Variants in ANO2 observed in about 807,000 individuals in gnomAD.
ANO2 encodes the protein anoctamin 2, also known as anoctamin-2.
ANO2 carries 101 observed loss-of-function variants against 124.2 expected under a neutral mutation model. That is an observed-to-expected ratio of 0.81 (90% CI 0.69 to 0.96). The LOEUF (loss-of-function observed/expected upper bound fraction) is 0.96. Ranked by LOEUF, ANO2 falls within the 40% of genes least tolerant of loss-of-function variation. The pLI is 0.00. For synonymous variants in ANO2, 486 were observed against 482.5 expected (o/e 1.01, Z -0.09); for missense variants, 1,293 against 1,274.5 (o/e 1.01, Z -0.22).
At position 5,563,220 on chromosome 12, in the gene ANO2, C is replaced by T. The variant is rs999874693; in HGVS notation, c.*79G>A. The T allele has an allele frequency of 4.7e-6, 7 of 1,497,634 alleles. No individual in the cohort carries two copies. The highest frequency in any genetic ancestry group is 2.5e-5 in the East Asian group (1 of 40,548). 92.8% of individuals were successfully genotyped at this position (1,497,634 alleles called of 1,614,324 possible). On this transcript the variant is annotated 3_prime_UTR_variant, in exon 25 of 25. Coordinates refer to ENST00000682330, the MANE Select transcript of ANO2 (RefSeq NM_001364791.2). ...CAGGCCCCTGCAGACAGACAGCACGCCATGTGGGTGTAGGAACATGCTTAC... is the reference window on the plus strand; with the variant it reads ...CAGGCCCCTGCAGACAGACAGCACGTCATGTGGGTGTAGGAACATGCTTAC...
At chr12:5,818,162 G>C (rs1953667865) in intron 7 of ANO2, among the ~76,000 whole-genome samples, 1 of 15,214 alleles carries the variant, frequency 6.6e-5, no homozygotes, top group Non-Finnish European at 2.0e-4. Flanking sequence ...GTGTCTGTGA[G>C]GGTGTTGCCA....
chr12:5,759,541 T>C (rs559638854), intron 10 of ANO2, among the ~76,000 whole-genome samples: 43 of 151,050 alleles, frequency 2.8e-4, no homozygotes, highest in Non-Finnish European at 4.7e-4. Context: ...CTCTGCTTCC[T>C]ATCAGATCAG....
At chr12:5,596,725 C>T (rs555946008) in intron 20 of ANO2, among the ~76,000 whole-genome samples, 1 of 152,020 alleles carries the variant, frequency 6.6e-6, no homozygotes, top group Non-Finnish European at 1.5e-5. Flanking sequence ...AGTGGCATGG[C>T]CCTGACAAAG....
chr12:5,725,097 TCA>T (rs35973206), intron 14 of ANO2, among the ~76,000 whole-genome samples: 3,781 of 143,544 alleles, frequency 0.026, 88 homozygotes, highest in African/African-American at 0.069. Context: ...TGTCTCCCTC[TCA>T]CACACACACA....
chr12:5,936,095 T>C (rs933407), intron 1 of ANO2, among the ~76,000 whole-genome samples: 57,239 of 152,144 alleles, frequency 0.38, 12,140 homozygotes, highest in East Asian at 0.79. Flanking sequence ...TTCATCTTTT[T>C]ATTGTTGAGT....
chr12:5,936,144 G>T (rs975199485), intron 1 of ANO2, among the ~76,000 whole-genome samples: 3 of 152,124 alleles, frequency 2.0e-5, no homozygotes, highest in South Asian at 2.1e-4. Flanking sequence ...TAAGTCCTTT[G>T]TCTGATATAT....
intron 14 of ANO2, among the ~76,000 whole-genome samples, chr12:5,722,220 G>A (rs1269881239): frequency 2.6e-5 from 4 of 152,112 alleles, no homozygotes; most frequent in Non-Finnish European, 5.9e-5. Flanking sequence ...AAAAAACAAA[G>A]TACTGGCCGG....
intron 14 of ANO2, among the ~76,000 whole-genome samples, chr12:5,714,954 G>C (rs546539165): frequency 1.1e-4 from 17 of 152,280 alleles, no homozygotes; most frequent in Middle Eastern, 3.4e-3. Context: ...TAGGTTCTGT[G>C]GGGAGATAAA....
At chr12:5,765,533 G>A (rs1951865246) in intron 10 of ANO2, among the ~76,000 whole-genome samples, 1 of 152,180 alleles carries the variant, frequency 6.6e-6, no homozygotes, top group Non-Finnish European at 1.5e-5. Context: ...CACAAGCTCT[G>A]GTGTGGGAAA....
Position 5,739,389 on chromosome 12 carries a change from G to C in ANO2, c.1362C>G (p.Phe454Leu). Residue 454 changes from phenylalanine to leucine, a missense_variant, in exon 13 of 25, where the codon TTC becomes TTG. Coordinates refer to ENST00000682330, the MANE Select transcript of ANO2 (RefSeq NM_001364791.2). The stretch of plus-strand genomic sequence containing the variant: ...TCTGTAGCCTCTTCCAGTTTTCCAG[G>C]AACATGGTAGCTTAAAAAGAACAAC... ...SIFMALWATM[F>L]LENWKRLQMR... is the part of the protein sequence containing the mutation. The C allele has an allele frequency of 6.2e-7, 1 of 1,601,650 alleles. No homozygotes were observed. Among genetic ancestry groups the C allele is most frequent in the Non-Finnish European group, 8.5e-7 (1 of 1,174,008 alleles).
intron 14 of ANO2, among the ~76,000 whole-genome samples, chr12:5,670,193 A>C (rs1237570758): frequency 6.6e-6 from 1 of 152,234 alleles, no homozygotes; most frequent in African/African-American, 2.4e-5. Context: ...AGGTCATCTC[A>C]TCCATAAGGC....
chr12:5,590,817 G>A (rs1943359044), intron 20 of ANO2, among the ~76,000 whole-genome samples: 1 of 152,124 alleles, frequency 6.6e-6, no homozygotes, highest in African/African-American at 2.4e-5. Flanking sequence ...TGCCCATATG[G>A]GGGCCAATGG....
intron 7 of ANO2, 99 bp downstream of exon 7, chr12:5,827,667 CTTG>C (rs1954008530): frequency 7.3e-7 from 1 of 1,372,156 alleles, no homozygotes; most frequent in African/African-American, 1.4e-5. Context: ...GGGGCATTTG[CTTG>C]TTTTGTTCTT....
intron 22 of ANO2, among the ~76,000 whole-genome samples, chr12:5,577,462 C>G (rs1244645263): frequency 6.6e-6 from 1 of 152,234 alleles, no homozygotes; most frequent in East Asian, 1.9e-4. Flanking sequence ...AAGGAGGTCA[C>G]CACAGGTGGG....
chr12:5,588,024 T>C (rs1430740787), intron 20 of ANO2, among the ~76,000 whole-genome samples: 3 of 152,250 alleles, frequency 2.0e-5, no homozygotes, highest in African/African-American at 7.2e-5. Flanking sequence ...CCTGTCTGCA[T>C]GGGTGGTCCT....
Position 5,612,884 on chromosome 12 carries a change from C to T in ANO2, c.1986+17G>A, listed in dbSNP as rs993961810. 6.2e-7 allele frequency: 1 copy of T among 1,613,856 alleles called. No individual in the cohort carries two copies. The highest frequency in any genetic ancestry group is 1.3e-5 in the African/African-American group (1 of 75,036). ...GGGTTGGGGTGCCAGGCATGAAACACCAGTGGCTGTACTTGCCTCTTCCAT... is the reference window on the plus strand; with the variant it reads ...GGGTTGGGGTGCCAGGCATGAAACATCAGTGGCTGTACTTGCCTCTTCCAT... On this transcript the variant is annotated intron_variant, in intron 18 of 24. Transcript: ENST00000682330.
At chr12:5,755,098 G>A (rs1250251533) in intron 10 of ANO2, among the ~76,000 whole-genome samples, 3 of 151,726 alleles carry the variant, frequency 2.0e-5, no homozygotes, top group Admixed American at 1.3e-4. Flanking sequence ...TTAATATGTT[G>A]TGCTTTCATT....
intron 14 of ANO2, among the ~76,000 whole-genome samples, chr12:5,674,627 G>C (rs1021253255): frequency 6.6e-6 from 1 of 152,192 alleles, no homozygotes; most frequent in Non-Finnish European, 1.5e-5. Flanking sequence ...ATTCTGCTGG[G>C]TCACAGAGCT....
At position 5,608,828 on chromosome 12, in the gene ANO2, C is replaced by T. The variant is rs374466233; in HGVS notation, c.2087+3828G>A. 5.9e-5 allele frequency: 9 copies of T among 152,308 alleles called. No homozygotes were observed. In the South Asian group the frequency reaches 1.0e-3, roughly 18 times the overall value. 9.4% of individuals were successfully genotyped at this position (152,308 alleles called of 1,614,324 possible). A position where few individuals can be genotyped will look rare whatever the true frequency, so the allele number is the denominator to read the frequency against. On this transcript the variant is annotated intron_variant, in intron 19 of 24. Coordinates refer to ENST00000682330, the MANE Select transcript of ANO2 (RefSeq NM_001364791.2). ...GCCAACGTGTTGTCCAAACACATGC[C>T]CGAGTTCTTGCCTCTCTTGTATTCT...
Sources: gnomAD v4.1 joint callset for allele counts (sites outside exome capture counted in the v4.1 genomes callset) on GRCh38, gnomAD v4.1.1 for gene constraint, MANE v1.5 for transcripts, NCBI Gene and HGNC (gene_info 2026-07-23, HGNC 2026-07-21) for gene names.